The following TNC variants were observed in gnomAD, a reference collection of about 807,000 sequenced individuals.
TNC encodes the protein tenascin C.
TNC carries 109 observed loss-of-function variants against 202.4 expected under a neutral mutation model. The ratio of observed to expected loss-of-function variants is 0.54; its 90% CI spans 0.46 to 0.63. TNC has a LOEUF of 0.63. Among genes scored for constraint, TNC ranks in the 30% least tolerant of loss-of-function variants. TNC has a pLI of 0.00. For missense variants in TNC, 2,756 were observed against 2,833.3 expected, an observed-to-expected ratio of 0.97 and a Z score of 0.62; for synonymous variants, 1,007 against 1,089.7, an observed-to-expected ratio of 0.92 and a Z score of 1.50.
At chr9:115,069,317 T>A (rs1833181079) in intron 10 of TNC, among the ~76,000 whole-genome samples, 1 of 152,142 alleles carries the variant, frequency 6.6e-6, no homozygotes, top group Non-Finnish European at 1.5e-5. Context: ...CTGCCTCCTG[T>A]CTCTTATGGC....
rs751818291 is a variant in TNC at position 115,035,284 on chromosome 9, C to A, written c.5707G>T (p.Ala1903Ser). ...LTATEVQSET[A>S]LLTWRPPRAS... ...CGGGGGGGTCGCCAGGTAAGGAGGG[C>A]AGTTTCCGACTGAACCTCAGTAGCA... is the stretch of plus-strand genomic sequence containing the variant. Residue 1903 changes from alanine to serine, a missense_variant, in exon 22 of 28, where the codon GCC becomes TCC. Physicochemically the swap from Ala to Ser is moderately conservative, Grantham distance 99. Coordinates refer to ENST00000350763, the MANE Select transcript of TNC (RefSeq NM_002160.4). 6.2e-7 allele frequency: 1 copy of A among 1,613,250 alleles called. No homozygotes were observed. The highest frequency in any genetic ancestry group is 8.5e-7 in the Non-Finnish European group (1 of 1,179,674).
chr9:115,057,110 A>T lies in TNC; in HGVS notation c.4579+43T>A, dbSNP rs12348090. ...GGAGAGGCTTCACCCTGCAAAGAAGACTGTGGAGAGAGTGCGTTAGAAATG... is the reference window on the plus strand; with the variant it reads ...GGAGAGGCTTCACCCTGCAAAGAAGTCTGTGGAGAGAGTGCGTTAGAAATG... On this transcript the variant is annotated intron_variant, in intron 15 of 27. Transcript: ENST00000350763. 161,924 of 1,569,502 alleles carry T rather than the reference A, an allele frequency of 0.1. 8,913 individuals are homozygous for T. Among genetic ancestry groups the T allele is most frequent in the Middle Eastern group, 0.17 (905 of 5,476 alleles).
At chr9:115,032,450 C>T (rs1334390255) in intron 22 of TNC, among the ~76,000 whole-genome samples, 4 of 152,216 alleles carry the variant, frequency 2.6e-5, no homozygotes, top group African/African-American at 9.6e-5. Flanking sequence ...CTTTAAGAAG[C>T]TTAATCTGGT....
rs1835247197 is a variant in TNC at position 115,091,665 on chromosome 9, T to G, written c.-136-511A>C. 5.3e-5 allele frequency among the ~76,000 whole-genome samples: 8 copies of G among 152,340 alleles called. No homozygotes were observed. In the South Asian group the frequency reaches 1.7e-3, roughly 32 times the overall value. On this transcript the variant is annotated intron_variant, in intron 1 of 27. Transcript: ENST00000350763. ...TTCAGTAACTCTTGCCTCTTATTGA[T>G]TTTCAAAACTGATTTCCACACCATC...
At chr9:115,041,392 T>G (rs1459938666) in intron 18 of TNC, among the ~76,000 whole-genome samples, 1 of 152,100 alleles carries the variant, frequency 6.6e-6, no homozygotes, top group South Asian at 2.1e-4. Flanking sequence ...AAATTTTATC[T>G]TATTATTTTT....
At chr9:115,106,152 G>A (rs772742963) in intron 1 of TNC, among the ~76,000 whole-genome samples, 2 of 152,174 alleles carry the variant, frequency 1.3e-5, no homozygotes, top group Non-Finnish European at 2.9e-5. Context: ...GAAGCAAGTA[G>A]GTCAATATTT....
intron 4 of TNC, 85 bp from the exon 5 acceptor site, chr9:115,082,892 G>T: frequency 1.1e-6 from 1 of 896,670 alleles, no homozygotes; most frequent in African/African-American, 1.6e-5. Flanking sequence ...AAACCAGACT[G>T]GATGTCTGCA....
At position 115,063,915 on chromosome 9, in the gene TNC, G is replaced by A. The variant is rs1564458390; in HGVS notation, c.3641C>T (p.Pro1214Leu). Residue 1214 changes from proline to leucine, a missense_variant, in exon 12 of 28, where the codon CCA (proline) becomes CTA (leucine). Pro to Leu is a moderately conservative substitution (Grantham distance 98, BLOSUM62 -3). Around this residue, in one of 2 missense-constraint regions of TNC, gnomAD observed 2,559 missense variants for 2,546.0 expected, o/e 1.01. Coordinates refer to ENST00000350763, the MANE Select transcript of TNC (RefSeq NM_002160.4). ...TVEAAQNLTV[P>L]GGLRSTDLPG... is the part of the protein sequence containing the mutation. ...CAGGTCTGTGGACCTCAGTCCTCCT[G>A]GGACGGTGAGGTTCTGGGCTGCCTC... is the stretch of plus-strand genomic sequence containing the variant. 1 of 1,614,130 alleles carries A rather than the reference G, an allele frequency of 6.2e-7. No individual in the cohort carries two copies. Among genetic ancestry groups the A allele is most frequent in the Non-Finnish European group, 8.5e-7 (1 of 1,180,020 alleles).
chr9:115,075,012 T>TAAAAAA (rs942551979), intron 9 of TNC, among the ~76,000 whole-genome samples: 1 of 151,076 alleles, frequency 6.6e-6, no homozygotes. Flanking sequence ...ATCAAAAGAT[T>TAAAAAA]AAAAAAAAAG....
At chr9:115,050,365 T>A (rs1831552736) in intron 15 of TNC, among the ~76,000 whole-genome samples, 1 of 152,178 alleles carries the variant, frequency 6.6e-6, no homozygotes, top group Admixed American at 6.5e-5. Context: ...AGCTTCCTTT[T>A]CTTCTGTTAT....
rs766737426 is a variant in TNC at position 115,021,283 on chromosome 9, AAGAGAG to A, written c.6496-22_6496-17del. ...AGTTAACGCCCTGTTAAAAAAAAAA[AAGAGAG>A]AGAGAGAGAGAGAGAGAAGGCCTCC... On this transcript the variant is annotated splice_polypyrimidine_tract_variant and intron_variant, in intron 27 of 27. Coordinates refer to ENST00000350763, the MANE Select transcript of TNC (RefSeq NM_002160.4). 57 of 1,102,266 alleles carry A rather than the reference AAGAGAG, an allele frequency of 5.2e-5. No homozygotes were observed. The highest frequency in any genetic ancestry group is 2.0e-4 in the African/African-American group (13 of 64,164). The allele number at this position is 1,102,266 out of a possible 1,614,324, so 68.3% of individuals were successfully genotyped here.
chr9:115,114,630 G>C (rs1346228241), intron 1 of TNC, among the ~76,000 whole-genome samples: 1 of 152,188 alleles, frequency 6.6e-6, no homozygotes, highest in African/African-American at 2.4e-5. Flanking sequence ...CCAGCTGGGG[G>C]CTTCTCCACC....
intron 15 of TNC, among the ~76,000 whole-genome samples, chr9:115,051,826 C>CA (rs959320520): frequency 5.3e-4 from 81 of 151,850 alleles, no homozygotes; most frequent in African/African-American, 1.9e-3. Flanking sequence ...AAACTGGGCA[C>CA]AAAAAACCCT....
intron 1 of TNC, among the ~76,000 whole-genome samples, chr9:115,098,923 C>G: frequency 7.1e-6 from 1 of 141,664 alleles, no homozygotes; most frequent in Non-Finnish European, 1.5e-5. Flanking sequence ...AGCCAGGAAA[C>G]AGCCTTAAGT....
intron 22 of TNC, among the ~76,000 whole-genome samples, chr9:115,034,177 C>G (rs996801529): frequency 1.1e-4 from 17 of 152,174 alleles, no homozygotes; most frequent in Non-Finnish European, 2.4e-4. Context: ...CCACCAGGCT[C>G]AGCCTTCAAG....
chr9:115,031,060 G>A (rs1829911269), intron 23 of TNC, among the ~76,000 whole-genome samples: 1 of 152,188 alleles, frequency 6.6e-6, no homozygotes, highest in South Asian at 2.1e-4. Context: ...TTGGTGGGAA[G>A]ATCATTTGTG....
chr9:115,037,118 AT>A (rs1830391543), intron 20 of TNC, among the ~76,000 whole-genome samples: 2 of 152,084 alleles, frequency 1.3e-5, no homozygotes, highest in South Asian at 4.1e-4. Context: ...TAAACCCAAC[AT>A]CCCTCCTCCC....
At chr9:115,106,613 G>T (rs2134184211) in intron 1 of TNC, among the ~76,000 whole-genome samples, 1 of 152,260 alleles carries the variant, frequency 6.6e-6, no homozygotes, top group South Asian at 2.1e-4. Flanking sequence ...CTGGAGAAAA[G>T]CCTGCTCTCC....
chr9:115,085,210 T>C (rs1415276019), intron 3 of TNC, among the ~76,000 whole-genome samples: 2 of 152,124 alleles, frequency 1.3e-5, no homozygotes, highest in Admixed American at 6.5e-5. Flanking sequence ...CTGCTAGAAA[T>C]AGTGCCCTTT....
Sources: allele counts gnomAD v4.1 joint callset (sites outside exome capture counted in the v4.1 genomes callset), GRCh38; gene constraint gnomAD v4.1.1; regional missense constraint gnomAD v4.1.1; transcripts MANE v1.5; gene names NCBI Gene and HGNC (gene_info 2026-07-23, HGNC 2026-07-21).